Variants in ACTR3C observed in about 807,000 individuals in gnomAD.
ACTR3C encodes actin-related protein 3C.
In ACTR3C, 18 loss-of-function variants were observed where a neutral mutation model predicts 26.3. That is an observed-to-expected ratio of 0.68 (90% confidence interval 0.47 to 1.01). The LOEUF (loss-of-function observed/expected upper bound fraction) is 1.01. ACTR3C is among the 50% of genes least tolerant of loss of function. ACTR3C has a pLI of 0.00. For synonymous variants in ACTR3C, 55 were observed against 94.5 expected, an observed-to-expected ratio of 0.58 and a Z score of 2.42; for missense variants, 184 against 250.7, an observed-to-expected ratio of 0.73 and a Z score of 1.80.
intron 1 of ACTR3C, among the ~76,000 whole-genome samples, chr7:150,315,105 ATTAT>A (rs993496922): frequency 6.8e-5 from 10 of 147,168 alleles, no homozygotes; most frequent in South Asian, 2.1e-4. Context: ...TTTTATTTAT[ATTAT>A]TTATTTTATA....
At chr7:150,188,404 A>C in the ACTR3C span, among the ~76,000 whole-genome samples, 1 of 151,594 alleles carries the variant, frequency 6.6e-6, no homozygotes, top group East Asian at 1.9e-4. Flanking sequence ...GACTATGAAT[A>C]AAGTTGCTGT....
rs369341413 is a variant in ACTR3C, at chr7:150,293,370, C to T, written c.95G>A (p.Arg32His). 45 of 1,608,304 alleles carry T rather than the reference C, an allele frequency of 2.8e-5. No homozygotes were observed. The highest frequency in any genetic ancestry group is 6.7e-5 in the African/African-American group (5 of 74,924). Residue 32 changes from arginine to histidine, a missense_variant, in exon 3 of 8, where the codon CGT becomes CAT. Transcript: ENST00000683684. ...GTCAATGACTATCCCCGTTAATGTA[C>T]GTTCACCCACTTGTCGAGATGTCCA... ...ASWTSRQVGE[R>H]TLTGIVIDSG...
chr7:149,902,618 A>T, the ACTR3C span, among the ~76,000 whole-genome samples: 4 of 105,180 alleles, frequency 3.8e-5, no homozygotes, highest in African/African-American at 1.1e-4. Flanking sequence ...AAAAGAAATA[A>T]CTGTTCAATA....
the ACTR3C span, among the ~76,000 whole-genome samples, chr7:149,943,739 T>C: frequency 7.7e-4 from 116 of 150,840 alleles, 2 homozygotes; most frequent in East Asian, 0.021. Context: ...ACAACTCTCC[T>C]CTTGTATAAG....
At chr7:149,923,620 T>C in the ACTR3C span, among the ~76,000 whole-genome samples, 1 of 151,974 alleles carries the variant, frequency 6.6e-6, no homozygotes, top group African/African-American at 2.4e-5. Context: ...CCACAGAAAA[T>C]GCAAGGAGAC....
the ACTR3C span, among the ~76,000 whole-genome samples, chr7:149,903,096 T>C: frequency 0.035 from 4,064 of 116,354 alleles, 227 homozygotes; most frequent in African/African-American, 0.1. Context: ...AGAGCACTGT[T>C]TTAATCTGAA....
chr7:150,139,590 T>C, the ACTR3C span, among the ~76,000 whole-genome samples: 1 of 152,298 alleles, frequency 6.6e-6, no homozygotes, highest in African/African-American at 2.4e-5. Flanking sequence ...CTTTTTATTC[T>C]GAGACTTCTT....
At chr7:149,996,601 A>ATAAATAAATAAAT in the ACTR3C span, among the ~76,000 whole-genome samples, 5 of 149,274 alleles carry the variant, frequency 3.3e-5, no homozygotes, top group Non-Finnish European at 7.5e-5. Context: ...AAATAAATAA[A>ATAAATAAATAAAT]AAATAAAACT....
At chr7:149,906,379 A>C in the ACTR3C span, among the ~76,000 whole-genome samples, 376 of 141,590 alleles carry the variant, frequency 2.7e-3, 1 homozygote, top group Middle Eastern at 8.0e-3. Context: ...CTTGGTGGTG[A>C]GTCCATGGGG....
At chr7:150,128,283 G>A in the ACTR3C span, among the ~76,000 whole-genome samples, 4 of 152,308 alleles carry the variant, frequency 2.6e-5, no homozygotes, top group Non-Finnish European at 5.9e-5. Flanking sequence ...GGAAGTACTA[G>A]AGCATGCTGC....
the ACTR3C span, among the ~76,000 whole-genome samples, chr7:149,994,675 G>C: frequency 1.3e-5 from 2 of 152,084 alleles, no homozygotes; most frequent in Non-Finnish European, 2.9e-5. Flanking sequence ...ATCACCCATA[G>C]AGCCTCAAAG....
chr7:150,095,534 A>G, the ACTR3C span, among the ~76,000 whole-genome samples: 2 of 150,490 alleles, frequency 1.3e-5, no homozygotes, highest in Non-Finnish European at 2.9e-5. Context: ...GCTTCTTTCA[A>G]TTGTTTGACA....
At chr7:150,130,146 T>C in the ACTR3C span, among the ~76,000 whole-genome samples, 2 of 152,178 alleles carry the variant, frequency 1.3e-5, no homozygotes, top group African/African-American at 4.8e-5. Context: ...TGATCCTTGA[T>C]CTTTATACCA....
chr7:150,183,619 A>G, the ACTR3C span, among the ~76,000 whole-genome samples: 1 of 148,826 alleles, frequency 6.7e-6, no homozygotes, highest in Non-Finnish European at 1.5e-5. Flanking sequence ...GTAAAAGGTG[A>G]CAAACATTTT....
chr7:150,092,911 A>G, the ACTR3C span, among the ~76,000 whole-genome samples: 1 of 151,466 alleles, frequency 6.6e-6, no homozygotes, highest in Non-Finnish European at 1.5e-5. Flanking sequence ...CCCTGTGGAT[A>G]CCGATTCCTG....
At chr7:150,152,295 T>C in the ACTR3C span, among the ~76,000 whole-genome samples, 1 of 152,112 alleles carries the variant, frequency 6.6e-6, no homozygotes, top group Admixed American at 6.5e-5. Flanking sequence ...ATAGCTCTTA[T>C]TATTTTGAGA....
At chr7:149,942,818 C>T in the ACTR3C span, among the ~76,000 whole-genome samples, 198 of 150,508 alleles carry the variant, frequency 1.3e-3, no homozygotes, top group Non-Finnish European at 2.4e-3. Context: ...CAATGGCAGC[C>T]GCCAACTCTG....
the ACTR3C span, among the ~76,000 whole-genome samples, chr7:150,084,394 T>G: frequency 6.6e-6 from 1 of 152,352 alleles, no homozygotes; most frequent in South Asian, 2.1e-4. Flanking sequence ...AATCTGTCAG[T>G]ATTTCCTTGT....
chr7:149,979,236 G>A, the ACTR3C span, among the ~76,000 whole-genome samples: 74 of 152,296 alleles, frequency 4.9e-4, no homozygotes, highest in African/African-American at 1.7e-3. Flanking sequence ...TCATTGTGGC[G>A]AGCTGGCAGG....
Sources: gnomAD v4.1 joint callset for allele counts (sites outside exome capture counted in the v4.1 genomes callset) on GRCh38, gnomAD v4.1.1 for gene constraint, MANE v1.5 for transcripts, NCBI Gene and HGNC (gene_info 2026-07-23, HGNC 2026-07-21) for gene names.